Variants in DHX34 observed in about 807,000 individuals in gnomAD.
DHX34 encodes the protein DExH-box helicase 34.
DHX34 carries 96 observed loss-of-function variants against 111.1 expected under a neutral mutation model. The ratio of observed to expected loss-of-function variants is 0.86; its 90% CI spans 0.73 to 1.02. DHX34 has a LOEUF of 1.02. DHX34 is among the 50% of genes least tolerant of loss of function. The pLI is 0.00. For missense variants in DHX34, 1,560 were observed against 1,579.9 expected (o/e 0.99, Z 0.21); for synonymous variants, 688 against 670.4 (o/e 1.03, Z -0.41).
intron 7 of DHX34, among the ~76,000 whole-genome samples, chr19:47,368,726 C>A (rs199917454): frequency 1.5e-5 from 2 of 137,236 alleles, no homozygotes; most frequent in Non-Finnish European, 3.1e-5. Context: ...GTTTTTTTTT[C>A]TTTTTGAGAT....
At position 47,353,803 on chromosome 19, in the gene DHX34, A is replaced by G; in HGVS notation, c.705+68A>G. ...TTGGGGGAATAGGTTGCTTGTCCAT[A>G]TGGCAGTATCAATAAAAATGAAGCA... On this transcript the variant is annotated intron_variant, in intron 2 of 16. Coordinates refer to ENST00000328771, the MANE Select transcript of DHX34 (RefSeq NM_014681.6). This position sits in a 1 kb window ranked among gnomAD's most constrained non-coding sequence, Gnocchi z 4.6. 7.3e-7 allele frequency: 1 copy of G among 1,369,642 alleles called. No individual in the cohort carries two copies. The highest frequency in any genetic ancestry group is 9.7e-7 in the Non-Finnish European group (1 of 1,033,016). The allele number at this position is 1,369,642 out of a possible 1,614,324, so 84.8% of individuals were successfully genotyped here. A position where few individuals can be genotyped will look rare whatever the true frequency, so the allele number is the denominator to read the frequency against.
At position 47,367,105 on chromosome 19, in the gene DHX34, T is replaced by C. The variant is rs1397447672; in HGVS notation, c.1718T>C (p.Leu573Pro). ...DQGALDSSEA[L>P]TPIGSLLAQL... ...GGGGCCCTGGACAGCTCAGAGGCCC[T>C]CACACCCATTGGGTCCCTGCTAGCC... Residue 573 changes from leucine to proline, a missense_variant, in exon 7 of 17, where the codon CTC (leucine) becomes CCC (proline). Physicochemically the swap from Leu to Pro is moderately conservative, Grantham distance 98. Transcript: ENST00000328771. 6.3e-7 allele frequency: 1 copy of C among 1,594,840 alleles called. No individual in the cohort carries two copies. The highest frequency in any genetic ancestry group is 2.3e-5 in the East Asian group (1 of 43,008).
chr19:47,353,135 G>A lies in DHX34; in HGVS notation c.105G>A (p.Thr35=), dbSNP rs781023927. 5.6e-6 allele frequency: 9 copies of A among 1,614,016 alleles called. No homozygotes were observed. The highest frequency in any genetic ancestry group is 3.3e-5 in the Admixed American group (2 of 59,976). ...LEKWDWNCPE[T]RRLLEDAFFR... Reference sequence around the variant, plus strand: ...AATGGGACTGGAATTGTCCAGAGACGCGTCGCCTCTTGGAAGATGCCTTCT... The same window carrying A: ...AATGGGACTGGAATTGTCCAGAGACACGTCGCCTCTTGGAAGATGCCTTCT... Residue 35 remains threonine (T), a synonymous_variant, in exon 2 of 17, where the codon ACG becomes ACA. Transcript: ENST00000328771. This position sits in a 1 kb window ranked among gnomAD's most constrained non-coding sequence, Gnocchi z 4.6.
intron 16 of DHX34, chr19:47,381,746 A>G: frequency 1.5e-6 from 1 of 672,718 alleles, no homozygotes; most frequent in Non-Finnish European, 1.8e-6. Context: ...TCTGCCTCTC[A>G]GTCTCCATGT....
chr19:47,354,897 G>T (rs927427187), intron 2 of DHX34, 142 bp from the exon 3 acceptor site: 5 of 1,433,164 alleles, frequency 3.5e-6, no homozygotes, highest in Non-Finnish European at 3.7e-6. Context: ...CAGGTGATCC[G>T]CCCGCCTCTG....
chr19:47,359,011 TG>T (rs1969545384), intron 4 of DHX34, among the ~76,000 whole-genome samples: 1 of 152,020 alleles, frequency 6.6e-6, no homozygotes, highest in South Asian at 2.1e-4. Flanking sequence ...CCTCCCCTAG[TG>T]GGGGCAGTGC....
intron 11 of DHX34, 117 bp downstream of exon 11, chr19:47,376,214 G>A: frequency 2.8e-6 from 4 of 1,454,228 alleles, no homozygotes; most frequent in Non-Finnish European, 3.6e-6. Context: ...TCCCCATGGG[G>A]CTCACAACCC....
chr19:47,372,247 C>T (rs1314141340), intron 7 of DHX34, among the ~76,000 whole-genome samples: 1 of 151,894 alleles, frequency 6.6e-6, no homozygotes, highest in Non-Finnish European at 1.5e-5. Context: ...AAGATTCATC[C>T]TGTGATAAGC....
chr19:47,371,072 G>A (rs1359607419), intron 7 of DHX34, among the ~76,000 whole-genome samples: 1 of 152,238 alleles, frequency 6.6e-6, no homozygotes, highest in Non-Finnish European at 1.5e-5. Flanking sequence ...CCGGCGAAAG[G>A]CTCTGTGGAC....
chr19:47,373,769 C>T, intron 9 of DHX34, 69 bp downstream of exon 9: 2 of 1,542,870 alleles, frequency 1.3e-6, no homozygotes, highest in Non-Finnish European at 8.8e-7. Flanking sequence ...CTCCAGAACA[C>T]TGCTTCCCCT....
chr19:47,377,835 G>A (rs1381239683), intron 13 of DHX34, among the ~76,000 whole-genome samples: 3 of 152,058 alleles, frequency 2.0e-5, no homozygotes, highest in African/African-American at 7.2e-5. Context: ...CCCCGGTGGA[G>A]GCTGAGGCCG....
chr19:47,381,854 G>T, intron 16 of DHX34, 126 bp from the exon 17 acceptor site: 1 of 1,507,752 alleles, frequency 6.6e-7, no homozygotes, highest in South Asian at 1.3e-5. Context: ...CTTCCTGGAG[G>T]AGGCAAAACT....
rs757032037 is a variant in DHX34 at position 47,360,069 on chromosome 19, C to T, written c.1374C>T (p.Ser458=). The T allele has an allele frequency of 5.6e-6, 9 of 1,613,926 alleles. No individual in the cohort carries two copies. The highest frequency in any genetic ancestry group is 7.6e-6 in the Non-Finnish European group (9 of 1,179,916). The change falls in exon 5 of 17, where the codon TCC becomes TCT. Residue 458 remains serine (S), a splice_region_variant and synonymous_variant. Transcript: ENST00000328771. ...TIDGIRFVVD[S]GKVKEMSYDP... is the part of the protein sequence containing the mutation. ...ACGGGATCCGCTTCGTAGTAGATTC[C>T]GGTAAGGACCACCATGAGCCCCTAC...
chr19:47,363,205 C>T (rs369043669), intron 6 of DHX34, among the ~76,000 whole-genome samples: 48 of 152,176 alleles, frequency 3.2e-4, no homozygotes, highest in East Asian at 2.3e-3. Context: ...CCACCCTCCT[C>T]GGCCTCCCAA....
chr19:47,364,017 G>A (rs976982114), intron 6 of DHX34, among the ~76,000 whole-genome samples: 7 of 152,106 alleles, frequency 4.6e-5, no homozygotes, highest in Non-Finnish European at 7.3e-5. Context: ...ACATGGTCAC[G>A]AATGGCCAAC....
chr19:47,382,410 G>A lies in DHX34; in HGVS notation c.*297G>A, dbSNP rs1301938059. 3.6e-5 allele frequency: 13 copies of A among 362,768 alleles called. No homozygotes were observed. The highest frequency in any genetic ancestry group is 6.0e-5 in the Non-Finnish European group (12 of 200,216). The allele number at this position is 362,768 out of a possible 1,614,324, so 22.5% of individuals were successfully genotyped here. ...GGTCCTGGGTAGGAGGGGCGTTAGA[G>A]CCAGCAGGGACCTCCCATGTCTCCA... On this transcript the variant is annotated 3_prime_UTR_variant, in exon 17 of 17. Coordinates refer to ENST00000328771, the MANE Select transcript of DHX34 (RefSeq NM_014681.6).
chr19:47,357,583 A>G (rs912225452), intron 3 of DHX34, among the ~76,000 whole-genome samples: 1 of 152,158 alleles, frequency 6.6e-6, no homozygotes, highest in Non-Finnish European at 1.5e-5. Context: ...TAGATATCCT[A>G]CGATGCACAG....
rs374868635 is a variant in DHX34 at position 47,362,463 on chromosome 19, T to C, written c.1376-13T>C. ...CCACACACAGACTCCCTTTCCTCAT[T>C]GCTCCCATCCAGGAAAGGTGAAGGA... On this transcript the variant is annotated splice_polypyrimidine_tract_variant and intron_variant, in intron 5 of 16. Transcript: ENST00000328771. 3.7e-5 allele frequency: 57 copies of C among 1,548,746 alleles called. No homozygotes were observed. In the Middle Eastern group the frequency reaches 6.9e-4, roughly 19 times the overall value.
intron 13 of DHX34, 66 bp downstream of exon 13, chr19:47,377,272 T>A: frequency 6.6e-7 from 1 of 1,525,924 alleles, no homozygotes; most frequent in Non-Finnish European, 8.9e-7. Context: ...GGGTGGTGGG[T>A]GGGGGCACCG....
Sources: gnomAD v4.1 joint callset for allele counts (sites outside exome capture counted in the v4.1 genomes callset) on GRCh38, gnomAD v4.1.1 for gene constraint, Gnocchi (gnomAD v3.1) non-coding constraint, MANE v1.5 for transcripts, NCBI Gene and HGNC (gene_info 2026-07-23, HGNC 2026-07-21) for gene names.